PDZRN3: variants seen among roughly 807,000 people sequenced by gnomAD.
The protein encoded by PDZRN3 is E3 ubiquitin-protein ligase PDZRN3.
PDZRN3 carries 38 observed loss-of-function variants against 85.7 expected under a neutral mutation model. The observed-to-expected ratio is 0.44, with a 90% CI of 0.34 to 0.58. The LOEUF (loss-of-function observed/expected upper bound fraction) is 0.58, where lower values mean the gene tolerates loss of function less well. Ranked by LOEUF, PDZRN3 falls within the 20% of genes least tolerant of loss-of-function variation. The pLI, the probability that PDZRN3 is intolerant of heterozygous loss-of-function variation, is 0.01. For missense variants in PDZRN3, 1,629 were observed against 1,506.4 expected (o/e 1.08, Z -1.35); for synonymous variants, 759 against 638.0 (o/e 1.19, Z -2.86).
At chr3:73,526,290 T>C (rs1420096378) in intron 3 of PDZRN3, among the ~76,000 whole-genome samples, 1 of 152,234 alleles carries the variant, frequency 6.6e-6, no homozygotes, top group East Asian at 1.9e-4. Flanking sequence ...TAAAAGATGC[T>C]GAATAAGGAG....
intron 3 of PDZRN3, among the ~76,000 whole-genome samples, chr3:73,598,171 T>C (rs1702458433): frequency 6.6e-6 from 1 of 152,174 alleles, no homozygotes; most frequent in Admixed American, 6.5e-5. Flanking sequence ...ACCCACACTT[T>C]GGGCACTGGG....
At chr3:73,408,247 TC>T (rs1701894138) in intron 3 of PDZRN3, 4 of 702,200 alleles carry the variant, frequency 5.7e-6, no homozygotes, top group Admixed American at 4.0e-5. Flanking sequence ...TGTTCTCAGT[TC>T]CAGTTTTCTC....
chr3:73,474,348 T>C (rs1190309086), intron 3 of PDZRN3: 13 of 527,946 alleles, frequency 2.5e-5, no homozygotes, highest in Non-Finnish European at 3.5e-5. Context: ...ACTTTACCTA[T>C]GCAGTATTTC....
chr3:73,475,992 G>C (rs561395808), intron 3 of PDZRN3, among the ~76,000 whole-genome samples: 13 of 152,302 alleles, frequency 8.5e-5, no homozygotes, highest in African/African-American at 2.6e-4. Context: ...TTTCAGGCAA[G>C]TTTTCCTAAG....
At chr3:73,491,674 C>A (rs1473797830) in intron 3 of PDZRN3, among the ~76,000 whole-genome samples, 1 of 147,666 alleles carries the variant, frequency 6.8e-6, no homozygotes, top group African/African-American at 2.5e-5. Flanking sequence ...TCATAGCTCA[C>A]TGCAGCCTTG....
At position 73,461,402 on chromosome 3, in the gene PDZRN3, A is replaced by G. The variant is rs529913370; in HGVS notation, c.919-57007T>C. The stretch of plus-strand genomic sequence containing the variant: ...TGGAGACCAAAGAAATCTCAAAAGG[A>G]ATCATTTGGACATGTCTCCCATTTA... On this transcript the variant is annotated intron_variant, in intron 3 of 9. Transcript: ENST00000263666. Among the ~76,000 whole-genome samples, 139 of 152,346 alleles carry G rather than the reference A, an allele frequency of 9.1e-4. 2 individuals are homozygous for G. The highest frequency in any genetic ancestry group is 2.5e-3 in the Admixed American group (39 of 15,304).
rs1159791609 is a variant in PDZRN3, at chr3:73,624,363, G to A, written c.463C>T (p.Gln155Ter). Residue 155 changes from glutamine (Q) to a stop codon, truncating the protein, a stop_gained, in exon 1 of 10, where the codon CAG becomes TAG. Transcript: ENST00000263666. LOFTEE classifies it high-confidence loss of function. ...GCGCAGCAGTGGCCGCCCGCGCGCT[G>A]CTCGCCGTGCGTCAAGGGTAGCCCG... ...GCGLPLTHGE[Q>*]RAGGHCCARA... is the part of the protein sequence containing the mutation. The A allele has an allele frequency of 7.7e-7, 1 of 1,299,818 alleles. No individual in the cohort carries two copies. The highest frequency in any genetic ancestry group is 1.6e-5 in the African/African-American group (1 of 63,970). 80.5% of individuals were successfully genotyped at this position (1,299,818 alleles called of 1,614,324 possible).
chr3:73,504,794 TATAAAGATAACTGCGTTAGTATC>T (rs1158779639), intron 3 of PDZRN3, among the ~76,000 whole-genome samples: 2 of 152,248 alleles, frequency 1.3e-5, no homozygotes, highest in African/African-American at 4.8e-5. Context: ...AGCTTGTATA[TATAAAGATAACTGCGTTAGTATC>T]ATTTAAGTGC....
At position 73,399,677 on chromosome 3, in the gene PDZRN3, T is replaced by C. The variant is rs139667848; in HGVS notation, c.1254+1245A>G. ...GACAAAACTACATTTTCTGGAACAA[T>C]TGTTAAATGGCAAGCGCTTTGGTAA... On this transcript the variant is annotated intron_variant, in intron 5 of 9. Coordinates refer to ENST00000263666, the MANE Select transcript of PDZRN3 (RefSeq NM_015009.3). Among the ~76,000 whole-genome samples, 218 of 152,264 alleles carry C rather than the reference T, an allele frequency of 1.4e-3. 1 individual carries two copies. The highest frequency in any genetic ancestry group is 8.5e-3 in the East Asian group (44 of 5,180).
chr3:73,603,069 A>G (rs1436664683), intron 2 of PDZRN3, among the ~76,000 whole-genome samples: 2 of 152,240 alleles, frequency 1.3e-5, no homozygotes, highest in Non-Finnish European at 2.9e-5. Context: ...GGATATGTAC[A>G]TTTCAAAGAT....
intron 5 of PDZRN3, among the ~76,000 whole-genome samples, chr3:73,397,646 T>C (rs1336229324): frequency 1.3e-5 from 2 of 152,354 alleles, no homozygotes; most frequent in East Asian, 3.9e-4. Flanking sequence ...GAGAGACCCT[T>C]CTGGTGAGTG....
Position 73,384,306 on chromosome 3 carries a change from T to G in PDZRN3, c.2260A>C (p.Ser754Arg). 1 of 1,612,598 alleles carries G rather than the reference T, an allele frequency of 6.2e-7. No individual in the cohort carries two copies. The highest frequency in any genetic ancestry group is 8.5e-7 in the Non-Finnish European group (1 of 1,179,972). ...TCGCCTGTGTTGTAGGCGCTCGAGC[T>G]GTCCTTGTCGGATTTCTCCGGGAGC... is the stretch of plus-strand genomic sequence containing the variant. The part of the protein sequence containing the change: ...TELPEKSDKD[S>R]SSAYNTGESC... The change falls in exon 10 of 10, where the codon AGC becomes CGC. Residue 754 changes from serine to arginine, a missense_variant. By Grantham distance (110) the Ser-to-Arg change is moderately radical (BLOSUM62 -1). Coordinates refer to ENST00000263666, the MANE Select transcript of PDZRN3 (RefSeq NM_015009.3).
chr3:73,599,199 G>C (rs556632497), intron 3 of PDZRN3, among the ~76,000 whole-genome samples: 2 of 152,334 alleles, frequency 1.3e-5, no homozygotes, highest in Non-Finnish European at 2.9e-5. Context: ...AGCAACCCAA[G>C]TGTCCATCAC....
chr3:73,587,729 C>T (rs187117984), intron 3 of PDZRN3, among the ~76,000 whole-genome samples: 37 of 152,236 alleles, frequency 2.4e-4, no homozygotes, highest in South Asian at 4.1e-4. Context: ...GACTGGTACA[C>T]GACAGCCCTG....
chr3:73,402,731 A>G (rs1701773601), intron 4 of PDZRN3, among the ~76,000 whole-genome samples: 1 of 152,142 alleles, frequency 6.6e-6, no homozygotes, highest in South Asian at 2.1e-4. Flanking sequence ...CATAGGAAAC[A>G]TGTGCTCACT....
At chr3:73,563,262 C>A (rs1575739131) in intron 3 of PDZRN3, among the ~76,000 whole-genome samples, 1 of 150,856 alleles carries the variant, frequency 6.6e-6, no homozygotes. Context: ...GTCTCGATCT[C>A]CTGACCTCGT....
intron 3 of PDZRN3, among the ~76,000 whole-genome samples, chr3:73,580,368 C>T (rs566319801): frequency 6.6e-6 from 1 of 152,324 alleles, no homozygotes; most frequent in East Asian, 1.9e-4. Flanking sequence ...CACAAAGAAT[C>T]TGAGCTGAGA....
intron 3 of PDZRN3, among the ~76,000 whole-genome samples, chr3:73,467,521 C>A (rs1011930018): frequency 6.6e-6 from 1 of 152,220 alleles, no homozygotes; most frequent in East Asian, 1.9e-4. Flanking sequence ...GAAAGGCAGG[C>A]CTTGAGTTAA....
At chr3:73,448,702 T>C (rs1443523708) in intron 3 of PDZRN3, among the ~76,000 whole-genome samples, 1 of 152,188 alleles carries the variant, frequency 6.6e-6, no homozygotes, top group African/African-American at 2.4e-5. Flanking sequence ...AGAACAGAAT[T>C]GTTCAGACAT....
Sources: allele counts gnomAD v4.1 joint callset (sites outside exome capture counted in the v4.1 genomes callset), GRCh38; gene constraint gnomAD v4.1.1; transcripts MANE v1.5; gene names NCBI Gene and HGNC (gene_info 2026-07-23, HGNC 2026-07-21).